Variants in KANSL1 observed in about 807,000 individuals in gnomAD.
KANSL1 encodes the protein MLL1/MLL complex subunit KANSL1.
KANSL1 carries 22 observed loss-of-function variants against 103.6 expected under a neutral mutation model. The observed-to-expected ratio is 0.21, with a 90% CI of 0.15 to 0.30. The LOEUF (loss-of-function observed/expected upper bound fraction) is 0.30. Ranked by LOEUF, KANSL1 falls within the 10% of genes least tolerant of loss-of-function variation. The pLI is 1.00. For missense variants in KANSL1, 1,337 were observed against 1,399.8 expected (o/e 0.96, Z 0.72); for synonymous variants, 600 against 527.6 (o/e 1.14, Z -1.88).
intron 6 of KANSL1, among the ~76,000 whole-genome samples, chr17:46,062,118 C>CAAAAAAAAAA (rs66529773): frequency 4.6e-5 from 5 of 108,772 alleles, no homozygotes; most frequent in East Asian, 3.2e-4. Flanking sequence ...AACAAACAAA[C>CAAAAAAAAAA]AAAAAAAAAA....
chr17:46,094,768 G>A (rs1160970487), intron 2 of KANSL1, 67 bp from the exon 3 acceptor site: 9 of 1,588,392 alleles, frequency 5.7e-6, no homozygotes, highest in Non-Finnish European at 7.8e-6. Flanking sequence ...TGGGGGGTGG[G>A]GAGTGGAATT....
At chr17:46,130,080 G>A (rs1017259218) in intron 2 of KANSL1, among the ~76,000 whole-genome samples, 2 of 151,700 alleles carry the variant, frequency 1.3e-5, no homozygotes, top group Non-Finnish European at 2.9e-5. Flanking sequence ...CAGATGCTCA[G>A]GAGGCTGAGA....
intron 2 of KANSL1, among the ~76,000 whole-genome samples, chr17:46,096,705 G>A (rs138240865): frequency 0.011 from 1,682 of 151,896 alleles, 27 homozygotes; most frequent in African/African-American, 0.038. Context: ...TGCAAGCTCC[G>A]CCTCCCGGGT....
intron 6 of KANSL1, among the ~76,000 whole-genome samples, chr17:46,061,140 T>C (rs1290054841): frequency 1.3e-5 from 2 of 152,194 alleles, no homozygotes; most frequent in African/African-American, 2.4e-5. Flanking sequence ...CAAACACTGA[T>C]GGTTTCCACT....
intron 12 of KANSL1, 35 bp from the exon 13 acceptor site, chr17:46,033,227 C>T (rs1202753062): frequency 4.6e-6 from 7 of 1,537,192 alleles, no homozygotes; most frequent in Non-Finnish European, 6.2e-6. Context: ...CCCCTCTTTT[C>T]TCCAGGAGTT....
At chr17:46,195,104 A>G (rs901256122), upstream of KANSL1, among the ~76,000 whole-genome samples, 3 of 152,284 alleles carry the variant, frequency 2.0e-5, no homozygotes, top group East Asian at 5.8e-4. Context: ...ACACACATAC[A>G]CACATAAATA....
chr17:46,160,159 G>C (rs953093956), intron 2 of KANSL1, among the ~76,000 whole-genome samples: 1 of 152,150 alleles, frequency 6.6e-6, no homozygotes, highest in African/African-American at 2.4e-5. Flanking sequence ...AAGATTTAAA[G>C]ACAACAAACC....
intron 2 of KANSL1, among the ~76,000 whole-genome samples, chr17:46,116,842 T>C (rs927346226): frequency 6.6e-6 from 1 of 152,236 alleles, no homozygotes; most frequent in Non-Finnish European, 1.5e-5. Context: ...CAGGGAATTA[T>C]TTTAAATGTA....
At chr17:46,168,716 T>A (rs1416468404) in intron 2 of KANSL1, among the ~76,000 whole-genome samples, 1 of 152,232 alleles carries the variant, frequency 6.6e-6, no homozygotes, top group Non-Finnish European at 1.5e-5. Flanking sequence ...CCAAATATGA[T>A]CTAACGCATG....
chr17:46,196,278 A>G, upstream of KANSL1: 1 of 446,686 alleles, frequency 2.2e-6, no homozygotes, highest in Non-Finnish European at 4.5e-6. Flanking sequence ...AACATATTTC[A>G]AATCACTCTT....
chr17:46,151,458 A>G (rs2696575), intron 2 of KANSL1, among the ~76,000 whole-genome samples: 21,950 of 152,214 alleles, frequency 0.14, 2,135 homozygotes, highest in Non-Finnish European at 0.22. Flanking sequence ...ATTAATATAG[A>G]CATCTCTCTC....
intron 6 of KANSL1, among the ~76,000 whole-genome samples, chr17:46,058,370 G>C (rs182773895): frequency 7.1e-4 from 108 of 152,266 alleles, no homozygotes; most frequent in African/African-American, 2.4e-3. Context: ...TTTAGTTGTG[G>C]AGCTAGACTA....
At chr17:46,067,103 G>T (rs530709132) in intron 5 of KANSL1, among the ~76,000 whole-genome samples, 1 of 152,332 alleles carries the variant, frequency 6.6e-6, no homozygotes, top group South Asian at 2.1e-4. Flanking sequence ...GGCTTCCTTA[G>T]AATCAGTTCT....
At chr17:46,198,938 T>G (rs2047704780) in intron 1 of KANSL1, among the ~76,000 whole-genome samples, 1 of 152,240 alleles carries the variant, frequency 6.6e-6, no homozygotes. Flanking sequence ...CAAGAATTTA[T>G]TCTAGATATC....
At chr17:46,167,496 A>G (rs2046064174) in intron 2 of KANSL1, among the ~76,000 whole-genome samples, 1 of 152,254 alleles carries the variant, frequency 6.6e-6, no homozygotes, top group African/African-American at 2.4e-5. Context: ...CAGTGATGAA[A>G]TATCATTGTT....
intron 4 of KANSL1, among the ~76,000 whole-genome samples, chr17:46,080,782 G>C (rs1359810813): frequency 6.7e-6 from 1 of 149,948 alleles, no homozygotes; most frequent in East Asian, 2.0e-4. Context: ...ATTCATAAAG[G>C]GTAGATAATT....
chr17:46,218,143 A>G (rs2048398950), intron 1 of KANSL1, among the ~76,000 whole-genome samples: 1 of 152,254 alleles, frequency 6.6e-6, no homozygotes. Context: ...CAGAGAAAGC[A>G]TGCCTCTGCC....
chr17:46,147,788 T>C (rs532602956), intron 2 of KANSL1, among the ~76,000 whole-genome samples: 6 of 152,340 alleles, frequency 3.9e-5, no homozygotes, highest in East Asian at 1.9e-4. Flanking sequence ...CTGCTGTTAA[T>C]AGAAGACTAT....
At chr17:46,180,054 G>C (rs1329431019) in intron 1 of KANSL1, among the ~76,000 whole-genome samples, 1 of 149,524 alleles carries the variant, frequency 6.7e-6, no homozygotes, top group Non-Finnish European at 1.5e-5. Context: ...ACAAGAGCGA[G>C]ACTCCATCTT....
Sources: gnomAD v4.1 joint callset for allele counts (sites outside exome capture counted in the v4.1 genomes callset) on GRCh38, gnomAD v4.1.1 for gene constraint, MANE v1.5 for transcripts, NCBI Gene and HGNC (gene_info 2026-07-23, HGNC 2026-07-21) for gene names.